The following FASN variants were observed in gnomAD, a reference collection of about 807,000 sequenced individuals.
FASN encodes the protein 3-hydroxyacyl-[acyl-carrier-protein] dehydratase.
In FASN, 50 loss-of-function variants were observed where a neutral mutation model predicts 250.0. The ratio of observed to expected loss-of-function variants is 0.20; its 90% CI spans 0.16 to 0.25. The LOEUF (loss-of-function observed/expected upper bound fraction) is 0.25. Ranked by LOEUF, FASN falls within the 10% of genes least tolerant of loss-of-function variation. The probability of loss-of-function intolerance (pLI) is 1.00; values close to 1 mark genes in which losing one functional copy is unlikely to be tolerated. For missense variants in FASN, 3,031 were observed against 3,498.5 expected, an observed-to-expected ratio of 0.87 and a Z score of 3.37; for synonymous variants, 1,909 against 1,584.0, an observed-to-expected ratio of 1.21 and a Z score of -4.87.
At chr17:82,081,405 G>C in intron 37 of FASN, 53 bp from the exon 38 acceptor site, 1 of 1,561,134 alleles carries the variant, frequency 6.4e-7, no homozygotes, top group Non-Finnish European at 8.6e-7. Context: ...GGGACGGCCT[G>C]TATGCGGCAG....
intron 1 of FASN, chr17:82,096,659 G>C (rs1021407985): frequency 2.6e-5 from 18 of 687,124 alleles, no homozygotes; most frequent in African/African-American, 2.5e-4. Context: ...CGTGCTCTGG[G>C]AACAGGCCCG....
chr17:82,093,800 G>C (rs773050369), intron 3 of FASN, 29 bp from the exon 4 acceptor site: 7 of 1,610,032 alleles, frequency 4.3e-6, no homozygotes, highest in Non-Finnish European at 5.9e-6. Flanking sequence ...AAGGTGCCAC[G>C]GCCGGGCCCC....
intron 1 of FASN, chr17:82,096,894 C>T: frequency 3.5e-6 from 1 of 283,560 alleles, no homozygotes. Flanking sequence ...GGGGACAAGG[C>T]CTCAGGTGGC....
rs1239801659 is a variant in FASN, at chr17:82,080,812, A to G, written c.6706T>C (p.Ser2236Pro). 6.2e-7 allele frequency: 1 copy of G among 1,609,122 alleles called. No individual in the cohort carries two copies. The highest frequency in any genetic ancestry group is 8.5e-7 in the Non-Finnish European group (1 of 1,178,740). Residue 2236 changes from serine (S) to proline (P), a missense_variant, in exon 39 of 43, where the codon TCC becomes CCC. Transcript: ENST00000306749. The stretch of plus-strand genomic sequence containing the variant: ...AGGGGCCGCTCCGAGCTCTGCACGG[A>G]GTTGAGCCGCATCAGGGTGGGGCCC... ...PEGPTLMRLN[S>P]VQSSERPLFL...
Position 82,088,425 on chromosome 17 carries a change from C to T in FASN, c.2558G>A (p.Gly853Asp). Residue 853 changes from glycine (G) to aspartate (D), a missense_variant, in exon 16 of 43, where the codon GGT becomes GAT. Gly to Asp is a moderately conservative substitution (Grantham distance 94). Transcript: ENST00000306749. ...DVPAAEDFPN[G>D]SGSPSAAIYN... ...GATGGCGGCTGAGGGGGAACCTGAA[C>T]CGTTGGGGAAGTCCTCGGCGGCCGG... 1 of 1,612,114 alleles carries T rather than the reference C, an allele frequency of 6.2e-7. No homozygotes were observed. Among genetic ancestry groups the T allele is most frequent in the Non-Finnish European group, 8.5e-7 (1 of 1,179,482 alleles).
Position 82,086,690 on chromosome 17 carries a change from G to A in FASN, c.3428-132C>T, listed in dbSNP as rs78196815. 1.9e-3 allele frequency: 1,461 copies of A among 761,554 alleles called. 25 individuals are homozygous for A. The East Asian group carries it at 0.03, about 16-fold the overall frequency. The allele number at this position is 761,554 out of a possible 1,614,324, so 47.2% of individuals were successfully genotyped here. ...CCCACAGGATGAGAAATAGCTGAGGGTTGAGGAAGGGGCTGCCCACCACTG... is the reference window on the plus strand; with the variant it reads ...CCCACAGGATGAGAAATAGCTGAGGATTGAGGAAGGGGCTGCCCACCACTG... On this transcript the variant is annotated intron_variant, in intron 21 of 42. Transcript: ENST00000306749.
chr17:82,087,746 C>T lies in FASN; in HGVS notation c.2982G>A (p.Leu994=), dbSNP rs764236541. 10 of 1,612,538 alleles carry T rather than the reference C, an allele frequency of 6.2e-6. No homozygotes were observed. The East Asian group carries it at 6.7e-5, about 11-fold the overall frequency. Residue 994 remains leucine, a synonymous_variant, in exon 19 of 43, where the codon CTG becomes CTA. Coordinates refer to ENST00000306749, the MANE Select transcript of FASN (RefSeq NM_004104.5). ...GGCCGTAGTCGTAGCCACGCAGACG[C>T]AGCTCCTTGTAAACTTCAGCCTGGG... ...FLAQAEVYKE[L]RLRGYDYGPH...
At chr17:82,082,799 G>T in intron 33 of FASN, 115 bp downstream of exon 33, 1 of 1,545,884 alleles carries the variant, frequency 6.5e-7, no homozygotes, top group Non-Finnish European at 8.8e-7. Flanking sequence ...ACAAGATGGA[G>T]GGGGACAGAC....
At position 82,087,392 on chromosome 17, in the gene FASN, G is replaced by A. The variant is rs1598578614; in HGVS notation, c.3156C>T (p.Val1052=). 1 of 1,612,680 alleles carries A rather than the reference G, an allele frequency of 6.2e-7. No homozygotes were observed. Among genetic ancestry groups the A allele is most frequent in the African/African-American group, 1.3e-5 (1 of 75,052 alleles). Residue 1052 remains valine (V), a synonymous_variant, in exon 20 of 43, where the codon GTC becomes GTT. Coordinates refer to ENST00000306749, the MANE Select transcript of FASN (RefSeq NM_004104.5). ...TGGCAGGGTCGATGTGGATGGCGGT[G>A]ACACGGGTGGGCAGGTACAGGCCGT... ...AKHGLYLPTR[V]TAIHIDPATH... is the part of the protein sequence containing the mutation.
Position 82,096,370 on chromosome 17 carries a change from G to C in FASN, c.76C>G (p.Leu26Val), listed in dbSNP as rs545413031. The change falls in exon 2 of 43, where the codon CTC becomes GTC. Residue 26 changes from leucine (L) to valine (V), a missense_variant. Leu to Val is a conservative substitution (Grantham distance 32). Coordinates refer to ENST00000306749, the MANE Select transcript of FASN (RefSeq NM_004104.5). Reference sequence around the variant, plus strand: ...GTGACCATGTCCACACCGCCGATGAGGTTGTCCCAGAACTCCTGCAAGTTC... The same window carrying C: ...GTGACCATGTCCACACCGCCGATGACGTTGTCCCAGAACTCCTGCAAGTTC... ...SENLQEFWDN[L>V]IGGVDMVTDD... 1 of 1,613,014 alleles carries C rather than the reference G, an allele frequency of 6.2e-7. No individual in the cohort carries two copies. The highest frequency in any genetic ancestry group is 1.3e-5 in the African/African-American group (1 of 75,068).
chr17:82,092,117 G>A (rs560766853), intron 8 of FASN, among the ~76,000 whole-genome samples: 7 of 152,256 alleles, frequency 4.6e-5, no homozygotes, highest in South Asian at 4.1e-4. Context: ...ACGGGTGGGC[G>A]ACACGGGAGA....
In FASN at chr17:82,091,348, C is replaced by G; in HGVS notation, c.1366G>C (p.Asp456His). Reference sequence around the variant, plus strand: ...GCGGTGGCGGGGACAGCCGCGATGTCGTTCAGCATGCTCAGGAAAGCCAGG... The same window carrying G: ...GCGGTGGCGGGGACAGCCGCGATGTGGTTCAGCATGCTCAGGAAAGCCAGG... ...QDLAFLSMLN[D>H]IAAVPATAMP... The change falls in exon 9 of 43, where the codon GAC becomes CAC. Residue 456 changes from aspartate (D) to histidine (H), a missense_variant. Transcript: ENST00000306749. The G allele has an allele frequency of 6.2e-7, 1 of 1,610,812 alleles. No homozygotes were observed. Among genetic ancestry groups the G allele is most frequent in the Non-Finnish European group, 8.5e-7 (1 of 1,179,150 alleles).
Position 82,087,859 on chromosome 17 carries a change from T to C in FASN, c.2869A>G (p.Lys957Glu). 6.2e-7 allele frequency: 1 copy of C among 1,612,610 alleles called. No homozygotes were observed. The highest frequency in any genetic ancestry group is 8.5e-7 in the Non-Finnish European group (1 of 1,179,886). Reference sequence around the variant, plus strand: ...TCAGGGTCATCCCACTGGTACACCTTCCCTGTGGAAAGGGAGGTGCGGAAG... The same window carrying C: ...TCAGGGTCATCCCACTGGTACACCTCCCCTGTGGAAAGGGAGGTGCGGAAG... ...SENGNLVVSG[K>E]VYQWDDPDPR... is the part of the protein sequence containing the mutation. The change falls in exon 19 of 43, where the codon AAG becomes GAG. Residue 957 changes from lysine (K) to glutamate (E), a missense_variant and splice_region_variant. Lys to Glu is a moderately conservative substitution (Grantham distance 56, BLOSUM62 1). Transcript: ENST00000306749.
rs376331574 is a variant in FASN at position 82,088,218 on chromosome 17, C to T, written c.2683G>A (p.Val895Met). The T allele has an allele frequency of 2.5e-6, 4 of 1,611,516 alleles. No homozygotes were observed. The South Asian group carries it at 4.4e-5, about 18-fold the overall frequency. Reference sequence around the variant, plus strand: ...AGGGCGCGGGCCAGCGTCTTCCACACTATGCTCAGGTAGCCAGTGGCGGGG... The same window carrying T: ...AGGGCGCGGGCCAGCGTCTTCCACATTATGCTCAGGTAGCCAGTGGCGGGG... ...LFPATGYLSI[V>M]WKTLARALGL... The change falls in exon 17 of 43, where the codon GTG becomes ATG. Residue 895 changes from valine (V) to methionine (M), a missense_variant. By Grantham distance (21) the Val-to-Met change is conservative (BLOSUM62 1). Coordinates refer to ENST00000306749, the MANE Select transcript of FASN (RefSeq NM_004104.5).
rs2034145052 is a variant in FASN, at chr17:82,088,443, G to A, written c.2540C>T (p.Ala847Val). The A allele has an allele frequency of 1.2e-6, 2 of 1,611,884 alleles. No homozygotes were observed. The highest frequency in any genetic ancestry group is 8.5e-7 in the Non-Finnish European group (1 of 1,179,288). ...ACCTGAACCGTTGGGGAAGTCCTCG[G>A]CGGCCGGCACGTCCCAGGCCAGGCT... ...DHSLAWDVPAAEDFPNGSGSP... is the reference protein window; with the variant it reads ...DHSLAWDVPAVEDFPNGSGSP... Residue 847 changes from alanine to valine, a missense_variant, in exon 16 of 43, where the codon GCC becomes GTC. Ala to Val is a moderately conservative substitution (Grantham distance 64). Transcript: ENST00000306749.
chr17:82,079,639 C>T (rs747768829), intron 41 of FASN, 31 bp from the exon 42 acceptor site: 4 of 1,596,530 alleles, frequency 2.5e-6, no homozygotes, highest in Non-Finnish European at 3.4e-6. Context: ...CAGGTGCTGG[C>T]AGCACCCACA....
rs755107597 is a variant in FASN, at chr17:82,089,128, G to A, written c.2145C>T (p.Thr715=). Residue 715 remains threonine, a synonymous_variant, in exon 14 of 43, where the codon ACC becomes ACT. Coordinates refer to ENST00000306749, the MANE Select transcript of FASN (RefSeq NM_004104.5). ...TGTGCCACTGGGCCTCGGGGATAGAGGTGCTGAGCCAGCGGGCTGAACGTG... is the reference window on the plus strand; with the variant it reads ...TGTGCCACTGGGCCTCGGGGATAGAAGTGCTGAGCCAGCGGGCTGAACGTG... ...PKPRSARWLS[T]SIPEAQWHSS... 8 of 1,567,600 alleles carry A rather than the reference G, an allele frequency of 5.1e-6. No homozygotes were observed. Among genetic ancestry groups the A allele is most frequent in the Non-Finnish European group, 6.9e-6 (8 of 1,156,566 alleles).
In FASN at chr17:82,093,052, AG is replaced by A. The variant is rs776892217; in HGVS notation, c.656-34del. 4.4e-6 allele frequency: 7 copies of A among 1,608,962 alleles called. No individual in the cohort carries two copies. In the South Asian group the frequency reaches 4.4e-5, roughly 10 times the overall value. On this transcript the variant is annotated intron_variant, in intron 5 of 42. Coordinates refer to ENST00000306749, the MANE Select transcript of FASN (RefSeq NM_004104.5). ...GAGCAGCACCTCAGGCCCGGGGCTC[AG>A]CCCCACGCCGGCCCCCACCCCACCA...
Position 82,091,695 on chromosome 17 carries a change from A to C in FASN, c.1030-11T>G. The stretch of plus-strand genomic sequence containing the variant: ...CAGGGACAGCAGCACCTGCGGGGGT[A>C]CGTGGTGGATGGGCAGCCGCCCCAC... On this transcript the variant is annotated splice_polypyrimidine_tract_variant and intron_variant, in intron 8 of 42. Transcript: ENST00000306749. 6.4e-7 allele frequency: 1 copy of C among 1,562,184 alleles called. No homozygotes were observed. The highest frequency in any genetic ancestry group is 8.7e-7 in the Non-Finnish European group (1 of 1,152,688).
Sources: gnomAD v4.1 joint callset for allele counts (sites outside exome capture counted in the v4.1 genomes callset) on GRCh38, gnomAD v4.1.1 for gene constraint, MANE v1.5 for transcripts, NCBI Gene and HGNC (gene_info 2026-07-23, HGNC 2026-07-21) for gene names.